The following ZNF589 variants were observed in gnomAD, a reference collection of about 807,000 sequenced individuals.
ZNF589 encodes the protein KRAB-zinc finger protein SZF1-1.
ZNF589 carries 17 observed loss-of-function variants against 13.6 expected under a neutral mutation model. The observed-to-expected ratio is 1.25, with a 90% CI of 0.86 to 1.88. ZNF589 has a LOEUF of 1.88. Among genes scored for constraint, ZNF589 ranks in the 40% most tolerant of loss-of-function variants. The pLI is 0.00. For synonymous variants in ZNF589, 148 were observed against 161.6 expected, an observed-to-expected ratio of 0.92 and a Z score of 0.64; for missense variants, 407 against 434.0, an observed-to-expected ratio of 0.94 and a Z score of 0.55.
intron 3 of ZNF589, among the ~76,000 whole-genome samples, chr3:48,267,225 G>A (rs960254337): frequency 4.6e-5 from 7 of 152,016 alleles, no homozygotes; most frequent in Non-Finnish European, 8.8e-5. Flanking sequence ...TCCACAAGTC[G>A]GCAAATACAG....
intron 1 of ZNF589, among the ~76,000 whole-genome samples, chr3:48,242,603 C>T (rs2033711057): frequency 6.6e-6 from 1 of 152,088 alleles, no homozygotes; most frequent in African/African-American, 2.4e-5. Flanking sequence ...TGCACCTGGT[C>T]TTGCAAACGT....
chr3:48,264,437 G>A (rs2033998949), intron 3 of ZNF589, among the ~76,000 whole-genome samples: 1 of 152,016 alleles, frequency 6.6e-6, no homozygotes, highest in Non-Finnish European at 1.5e-5. Flanking sequence ...GGAGTCTGAG[G>A]CAGGAGAATC....
At chr3:48,248,247 TGTA>T (rs1238961518) in intron 2 of ZNF589, among the ~76,000 whole-genome samples, 2 of 152,210 alleles carry the variant, frequency 1.3e-5, no homozygotes, top group African/African-American at 2.4e-5. Flanking sequence ...CATTAACAGC[TGTA>T]GGAGATGGGT....
Position 48,270,557 on chromosome 3 carries a change from C to T in ZNF589, c.*1771C>T, listed in dbSNP as rs1313757403. ...TATGGCCCAGGTTCTGACAGTTTGCCTTACTCCCTTGGGCTGGGGCTAGCC... is the reference window on the plus strand; with the variant it reads ...TATGGCCCAGGTTCTGACAGTTTGCTTTACTCCCTTGGGCTGGGGCTAGCC... On this transcript the variant is annotated 3_prime_UTR_variant, in exon 4 of 4. Coordinates refer to ENST00000354698, the MANE Select transcript of ZNF589 (RefSeq NM_016089.3). The T allele has an allele frequency of 9.3e-6, 3 of 323,124 alleles. No individual in the cohort carries two copies. Among genetic ancestry groups the T allele is most frequent in the African/African-American group, 4.3e-5 (2 of 46,412 alleles). 20.0% of individuals were successfully genotyped at this position (323,124 alleles called of 1,614,324 possible).
chr3:48,249,505 T>C (rs1195227594), intron 2 of ZNF589, among the ~76,000 whole-genome samples: 1 of 152,184 alleles, frequency 6.6e-6, no homozygotes, highest in Admixed American at 6.5e-5. Context: ...CAATATCGTT[T>C]CTGATTTTTT....
intron 2 of ZNF589, among the ~76,000 whole-genome samples, chr3:48,257,621 T>C (rs1366299268): frequency 6.6e-6 from 1 of 152,172 alleles, no homozygotes; most frequent in African/African-American, 2.4e-5. Context: ...TTTGGTGTCA[T>C]GTCTAAGAAC....
In ZNF589 at chr3:48,257,056, A is replaced by G. The variant is rs1026583899; in HGVS notation, c.97-3757A>G. Reference sequence around the variant, plus strand: ...TTCTTCTTGGGCATTTCTGGATTTGATTTTCTTATATTTTGGGAGGGGGTA... The same window carrying G: ...TTCTTCTTGGGCATTTCTGGATTTGGTTTTCTTATATTTTGGGAGGGGGTA... On this transcript the variant is annotated intron_variant, in intron 2 of 3. Coordinates refer to ENST00000354698, the MANE Select transcript of ZNF589 (RefSeq NM_016089.3). 21 of 494,358 alleles carry G rather than the reference A, an allele frequency of 4.2e-5. No individual in the cohort carries two copies. The Admixed American group carries it at 4.8e-4, about 11-fold the overall frequency. 30.6% of individuals were successfully genotyped at this position (494,358 alleles called of 1,614,324 possible). A position where few individuals can be genotyped will look rare whatever the true frequency, so the allele number is the denominator to read the frequency against.
At chr3:48,248,903 A>G (rs189011309) in intron 2 of ZNF589, among the ~76,000 whole-genome samples, 8 of 152,268 alleles carry the variant, frequency 5.3e-5, no homozygotes, top group Admixed American at 3.9e-4. Flanking sequence ...TCATGAAGGG[A>G]TAGAGTATAG....
At chr3:48,246,211 G>A (rs941128576) in intron 1 of ZNF589, among the ~76,000 whole-genome samples, 6 of 152,190 alleles carry the variant, frequency 3.9e-5, no homozygotes, top group African/African-American at 1.4e-4. Context: ...GGAAGTTGAG[G>A]TGGGAGGATC....
intron 1 of ZNF589, 76 bp downstream of exon 1, chr3:48,241,290 C>T (rs992424631): frequency 8.8e-5 from 138 of 1,562,708 alleles, no homozygotes; most frequent in Non-Finnish European, 1.2e-4. Flanking sequence ...CGGCCGTATC[C>T]ACCAGGGATG....
intron 1 of ZNF589, among the ~76,000 whole-genome samples, chr3:48,242,476 T>A (rs1255917636): frequency 6.6e-6 from 1 of 151,576 alleles, no homozygotes; most frequent in Non-Finnish European, 1.5e-5. Context: ...TTTTTTCTGT[T>A]TGGTTTTTTT....
chr3:48,247,883 A>G (rs1236265404), intron 2 of ZNF589, among the ~76,000 whole-genome samples: 2 of 152,194 alleles, frequency 1.3e-5, no homozygotes, highest in Non-Finnish European at 2.9e-5. Flanking sequence ...ACCAAGTTTA[A>G]TTTTAATTCA....
Position 48,269,912 on chromosome 3 carries a change from C to T in ZNF589, c.*1126C>T, listed in dbSNP as rs1380065286. 7.8e-6 allele frequency: 3 copies of T among 386,694 alleles called. No homozygotes were observed. Among genetic ancestry groups the T allele is most frequent in the Non-Finnish European group, 1.5e-5 (3 of 194,838 alleles). The allele number at this position is 386,694 out of a possible 1,614,324, so 24.0% of individuals were successfully genotyped here. A position where few individuals can be genotyped will look rare whatever the true frequency, so the allele number is the denominator to read the frequency against. On this transcript the variant is annotated 3_prime_UTR_variant, in exon 4 of 4. Transcript: ENST00000354698. ...TGGCCCCTTAAGAGATACTTGGAGT[C>T]AAATCTATCCACTGTACGCCCACCC...
chr3:48,268,715 C>T lies in ZNF589; in HGVS notation c.1024C>T (p.Arg342Cys). 1 of 1,613,094 alleles carries T rather than the reference C, an allele frequency of 6.2e-7. No individual in the cohort carries two copies. Among genetic ancestry groups the T allele is most frequent in the South Asian group, 1.1e-5 (1 of 91,016 alleles). ...GTGCACAGTGTGTGGGCGAGGCTTT[C>T]GTGAAAAGTCAGAGCTCATTAAGCA... ...FMCTVCGRGF[R>C]EKSELIKHQR... Residue 342 changes from arginine to cysteine, a missense_variant, in exon 4 of 4, where the codon CGT (arginine) becomes TGT (cysteine). By Grantham distance (180) the Arg-to-Cys change is radical. Transcript: ENST00000354698.
At chr3:48,247,727 G>A in intron 2 of ZNF589, 50 bp downstream of exon 2, 2 of 1,595,722 alleles carry the variant, frequency 1.3e-6, no homozygotes, top group Non-Finnish European at 1.7e-6. Flanking sequence ...TCATTTCTCA[G>A]AGAATGGGCT....
At chr3:48,267,822 T>C (rs2034035805) in intron 3 of ZNF589, 93 bp from the exon 4 acceptor site, 6 of 1,311,922 alleles carry the variant, frequency 4.6e-6, no homozygotes, top group East Asian at 2.3e-5. Context: ...ACTTTAATCA[T>C]TGAGAATGAT....
At chr3:48,245,222 C>G (rs115547002) in intron 1 of ZNF589, among the ~76,000 whole-genome samples, 3,278 of 152,242 alleles carry the variant, frequency 0.022, 99 homozygotes, top group African/African-American at 0.074. Context: ...TCAAATGATC[C>G]TGCCACTTCA....
rs938493348 is a variant in ZNF589 at position 48,259,004 on chromosome 3, T to A, written c.97-1809T>A. Among the ~76,000 whole-genome samples the A allele has an allele frequency of 5.3e-4, 80 of 152,134 alleles. 1 individual carries two copies. The highest frequency in any genetic ancestry group is 7.7e-4 in the East Asian group (4 of 5,190). ...CTTGAACAAGAGAAATTATGAGACCTGGGGTATAAAAAGAAAAGGGGAAAG... is the reference window on the plus strand; with the variant it reads ...CTTGAACAAGAGAAATTATGAGACCAGGGGTATAAAAAGAAAAGGGGAAAG... On this transcript the variant is annotated intron_variant, in intron 2 of 3. Coordinates refer to ENST00000354698, the MANE Select transcript of ZNF589 (RefSeq NM_016089.3).
intron 2 of ZNF589, chr3:48,256,768 G>A: frequency 1.2e-6 from 2 of 1,603,602 alleles, no homozygotes; most frequent in Non-Finnish European, 1.7e-6. Flanking sequence ...GACTCTCCTT[G>A]GGAGTCGCTG....
Sources: allele counts gnomAD v4.1 joint callset (sites outside exome capture counted in the v4.1 genomes callset), GRCh38; gene constraint gnomAD v4.1.1; transcripts MANE v1.5; gene names NCBI Gene and HGNC (gene_info 2026-07-23, HGNC 2026-07-21).